The following USH2A variants were observed in gnomAD, a reference collection of about 807,000 sequenced individuals.
The protein encoded by USH2A is usherin.
USH2A carries 443 observed loss-of-function variants against 538.9 expected under a neutral mutation model. The ratio of observed to expected loss-of-function variants is 0.82; its 90% confidence interval spans 0.76 to 0.89. USH2A has a LOEUF of 0.89. Ranked by LOEUF, USH2A falls within the 40% of genes least tolerant of loss-of-function variation. The pLI is 0.00. For missense variants in USH2A, 6,633 were observed against 6,324.8 expected (o/e 1.05, Z -1.65); for synonymous variants, 2,413 against 2,273.5 (o/e 1.06, Z -1.75).
chr1:215,671,225 G>T lies in USH2A; in HGVS notation c.13880C>A (p.Thr4627Asn), dbSNP rs1243017035. ...CASSDWTFIQTPEIAPLMQPP... is the reference protein window; with the variant it reads ...CASSDWTFIQNPEIAPLMQPP... ...TTGCATCAAAGGTGCAATCTCAGGG[G>T]TCTGTATGAATGTCCAGTCACTTGA... The change falls in exon 64 of 72, where the codon ACC becomes AAC. Residue 4627 changes from threonine to asparagine, a missense_variant. Physicochemically the swap from Thr to Asn is moderately conservative, Grantham distance 65. Transcript: ENST00000307340. 2 of 1,614,168 alleles carry T rather than the reference G, an allele frequency of 1.2e-6. No individual in the cohort carries two copies. The highest frequency in any genetic ancestry group is 1.7e-6 in the Non-Finnish European group (2 of 1,180,032).
At chr1:215,842,646 A>G (rs1315593646) in intron 46 of USH2A, among the ~76,000 whole-genome samples, 3 of 151,246 alleles carry the variant, frequency 2.0e-5, no homozygotes, top group East Asian at 2.0e-4. Flanking sequence ...GAATGAGATC[A>G]TGTCCTTTAC....
intron 55 of USH2A, among the ~76,000 whole-genome samples, chr1:215,776,673 G>A (rs1183800591): frequency 6.6e-6 from 1 of 152,096 alleles, no homozygotes; most frequent in Admixed American, 6.5e-5. Context: ...ATTTATCCTA[G>A]GGGGTTCAGG....
At chr1:215,768,345 G>A (rs1011476106) in intron 55 of USH2A, among the ~76,000 whole-genome samples, 5 of 152,136 alleles carry the variant, frequency 3.3e-5, no homozygotes, top group Admixed American at 1.3e-4. Flanking sequence ...GTGTGTGTTC[G>A]TTAAACGAAT....
intron 44 of USH2A, among the ~76,000 whole-genome samples, chr1:215,847,716 C>T (rs1047544098): frequency 2.0e-5 from 3 of 151,870 alleles, no homozygotes; most frequent in Non-Finnish European, 4.4e-5. Context: ...TGGCATTTCT[C>T]CTTATGGCTA....
chr1:215,871,757 C>A (rs958353480), intron 43 of USH2A, among the ~76,000 whole-genome samples: 2 of 152,152 alleles, frequency 1.3e-5, no homozygotes, highest in Non-Finnish European at 2.9e-5. Context: ...ATTCTTTGAA[C>A]ACGCATCAGA....
chr1:216,144,246 T>A (rs564801953), intron 21 of USH2A, among the ~76,000 whole-genome samples: 1 of 152,136 alleles, frequency 6.6e-6, no homozygotes, highest in African/African-American at 2.4e-5. Flanking sequence ...TACGACCCTT[T>A]TGGAGAACAA....
chr1:215,645,323 G>C (rs1319473636), intron 67 of USH2A, among the ~76,000 whole-genome samples: 1 of 152,018 alleles, frequency 6.6e-6, no homozygotes, highest in African/African-American at 2.4e-5. Context: ...TGAGCTCAGT[G>C]ACCATGAGTT....
chr1:216,320,924 A>G (rs1352296423), intron 9 of USH2A, among the ~76,000 whole-genome samples: 1 of 152,108 alleles, frequency 6.6e-6, no homozygotes, highest in African/African-American at 2.4e-5. Context: ...TTAAATATTT[A>G]TATAACAGAA....
intron 14 of USH2A, among the ~76,000 whole-genome samples, chr1:216,219,642 AT>A (rs2035416523): frequency 6.6e-6 from 1 of 152,140 alleles, no homozygotes; most frequent in African/African-American, 2.4e-5. Context: ...TGCAATATTG[AT>A]TTTGCCAGGA....
intron 19 of USH2A, among the ~76,000 whole-genome samples, chr1:216,195,039 A>C (rs2102457358): frequency 6.6e-6 from 1 of 152,316 alleles, no homozygotes; most frequent in Middle Eastern, 3.4e-3. Flanking sequence ...CATGTAATGG[A>C]AACTATATAC....
chr1:215,698,602 T>C (rs771398204), intron 61 of USH2A, among the ~76,000 whole-genome samples: 1 of 152,278 alleles, frequency 6.6e-6, no homozygotes, highest in Non-Finnish European at 1.5e-5. Flanking sequence ...CATATGTTTG[T>C]TGGCTGCATA....
In USH2A at chr1:216,354,893, G is replaced by A. The variant is rs140482412; in HGVS notation, c.784+10060C>T. Among the ~76,000 whole-genome samples, 10 of 152,028 alleles carry A rather than the reference G, an allele frequency of 6.6e-5. No individual in the cohort carries two copies. In the East Asian group the frequency reaches 1.2e-3, roughly 18 times the overall value. On this transcript the variant is annotated intron_variant, in intron 4 of 71. Transcript: ENST00000307340. ...TTCCAAATGTAATGAAAACACCAAC[G>A]TACATATCCAAGAATTTAAGCAAAC...
At chr1:215,771,839 T>C (rs983664358) in intron 55 of USH2A, among the ~76,000 whole-genome samples, 8 of 152,174 alleles carry the variant, frequency 5.3e-5, no homozygotes, top group African/African-American at 1.7e-4. Context: ...GGCATGATAG[T>C]AGAGACTGCT....
At chr1:215,817,296 T>C in intron 47 of USH2A, 101 bp from the exon 48 acceptor site, 1 of 538,764 alleles carries the variant, frequency 1.9e-6, no homozygotes, top group Non-Finnish European at 2.8e-6. Context: ...CTAATATATA[T>C]ATATAATTAT....
chr1:215,854,585 G>C (rs945127439), intron 44 of USH2A, among the ~76,000 whole-genome samples: 1 of 152,166 alleles, frequency 6.6e-6, no homozygotes, highest in East Asian at 1.9e-4. Flanking sequence ...AAAAGAAAGA[G>C]AAAAGAGAAT....
chr1:215,725,661 A>G (rs2102711104), intron 61 of USH2A, among the ~76,000 whole-genome samples: 1 of 152,318 alleles, frequency 6.6e-6, no homozygotes. Context: ...ACACAGAAGT[A>G]TTGTTTTTAA....
chr1:216,324,051 C>T (rs2037674436), intron 7 of USH2A, 117 bp downstream of exon 7: 33 of 1,135,892 alleles, frequency 2.9e-5, no homozygotes, highest in Non-Finnish European at 4.1e-5. Context: ...TTAGGAGAAT[C>T]TGCCTCAAGG....
chr1:216,146,726 T>A (rs2033713887), intron 21 of USH2A, among the ~76,000 whole-genome samples: 1 of 152,072 alleles, frequency 6.6e-6, no homozygotes, highest in Non-Finnish European at 1.5e-5. Context: ...TCTCTGCTTT[T>A]CTGGAGGGCA....
intron 55 of USH2A, among the ~76,000 whole-genome samples, chr1:215,767,107 C>G (rs1253547986): frequency 6.6e-6 from 1 of 152,208 alleles, no homozygotes; most frequent in Non-Finnish European, 1.5e-5. Context: ...AGCACTCCGT[C>G]TCTCAAAGAG....
Sources: allele counts gnomAD v4.1 joint callset (sites outside exome capture counted in the v4.1 genomes callset), GRCh38; gene constraint gnomAD v4.1.1; transcripts MANE v1.5; gene names NCBI Gene and HGNC (gene_info 2026-07-23, HGNC 2026-07-21).